The following CPQ variants were observed in gnomAD, a reference collection of about 807,000 sequenced individuals.
The protein encoded by CPQ is carboxypeptidase Q, also known as Ser-Met dipeptidase.
CPQ carries 37 observed loss-of-function variants against 45.7 expected under a neutral mutation model. That is an observed-to-expected ratio of 0.81 (90% CI 0.62 to 1.07). The LOEUF (loss-of-function observed/expected upper bound fraction) is 1.07. Among genes scored for constraint, CPQ ranks in the 50% least tolerant of loss-of-function variants. The pLI is 0.00. For missense variants in CPQ, 537 were observed against 572.9 expected, an observed-to-expected ratio of 0.94 and a Z score of 0.64; for synonymous variants, 186 against 205.8, an observed-to-expected ratio of 0.90 and a Z score of 0.82.
At chr8:96,779,864 ATAGTGGCTT>A (rs1231870577) in intron 1 of CPQ, among the ~76,000 whole-genome samples, 3 of 152,338 alleles carry the variant, frequency 2.0e-5, no homozygotes, top group Admixed American at 6.5e-5. Flanking sequence ...AAGTATCAGT[ATAGTGGCTT>A]TAGTGGCTTT....
intron 1 of CPQ, among the ~76,000 whole-genome samples, chr8:96,734,220 AC>A (rs1440714766): frequency 1.3e-5 from 2 of 151,956 alleles, no homozygotes; most frequent in African/African-American, 4.8e-5. Context: ...TTTCAGTTCC[AC>A]CTCCAGAGTA....
intron 2 of CPQ, among the ~76,000 whole-genome samples, chr8:96,819,805 G>C (rs963901138): frequency 9.9e-5 from 15 of 151,962 alleles, no homozygotes; most frequent in Non-Finnish European, 1.8e-4. Context: ...GGCTTTGCTT[G>C]TGCTTTGTCT....
At chr8:97,039,196 T>C (rs75548934) in intron 6 of CPQ, among the ~76,000 whole-genome samples, 3,150 of 152,308 alleles carry the variant, frequency 0.021, 101 homozygotes, top group African/African-American at 0.067. Context: ...AAGAAGTTAA[T>C]GTACTTCCCG....
intron 6 of CPQ, among the ~76,000 whole-genome samples, chr8:97,057,293 G>A (rs1433827716): frequency 3.3e-5 from 5 of 152,150 alleles, no homozygotes; most frequent in African/African-American, 7.2e-5. Context: ...GGCTTTAATT[G>A]AGGATCAATA....
At chr8:96,777,634 T>C (rs936014403) in intron 1 of CPQ, among the ~76,000 whole-genome samples, 1 of 150,060 alleles carries the variant, frequency 6.7e-6, no homozygotes, top group African/African-American at 2.5e-5. Flanking sequence ...GCCAACAAAC[T>C]GATGGCCCTT....
chr8:96,723,513 G>A (rs1446123105), intron 1 of CPQ, among the ~76,000 whole-genome samples: 1 of 152,114 alleles, frequency 6.6e-6, no homozygotes, highest in Admixed American at 6.6e-5. Context: ...ACAAAAAGGA[G>A]CTATTGTGTC....
chr8:96,847,332 T>G (rs1811709174), intron 3 of CPQ, among the ~76,000 whole-genome samples: 2 of 152,200 alleles, frequency 1.3e-5, no homozygotes, highest in Middle Eastern at 3.2e-3. Context: ...TCTAATTCAA[T>G]TATTTCTATT....
chr8:96,950,020 G>A (rs755394920), intron 4 of CPQ, among the ~76,000 whole-genome samples: 4 of 152,150 alleles, frequency 2.6e-5, no homozygotes, highest in Non-Finnish European at 5.9e-5. Flanking sequence ...GCTGAATCAT[G>A]TTGACCAGAA....
chr8:97,022,436 G>C (rs1809705050), intron 5 of CPQ, among the ~76,000 whole-genome samples: 1 of 152,166 alleles, frequency 6.6e-6, no homozygotes, highest in Non-Finnish European at 1.5e-5. Flanking sequence ...AGTCAGCAGA[G>C]TTAACAGACA....
At chr8:96,770,700 T>A (rs936088566) in intron 1 of CPQ, among the ~76,000 whole-genome samples, 4 of 147,252 alleles carry the variant, frequency 2.7e-5, no homozygotes, top group Non-Finnish European at 4.5e-5. Context: ...GAGTGTTATT[T>A]TATATATATA....
chr8:96,672,576 G>C (rs770995687), intron 1 of CPQ, among the ~76,000 whole-genome samples: 2 of 151,984 alleles, frequency 1.3e-5, no homozygotes, highest in East Asian at 3.9e-4. Flanking sequence ...GCAGGAGTTC[G>C]AGACCAGCCT....
intron 1 of CPQ, among the ~76,000 whole-genome samples, chr8:96,772,472 G>A (rs921313235): frequency 6.6e-6 from 1 of 152,068 alleles, no homozygotes; most frequent in African/African-American, 2.4e-5. Flanking sequence ...CAAACTGAGA[G>A]AGCTCACTCA....
chr8:96,670,515 G>A (rs1271557348), intron 1 of CPQ, among the ~76,000 whole-genome samples: 1 of 152,058 alleles, frequency 6.6e-6, no homozygotes, highest in Non-Finnish European at 1.5e-5. Context: ...ATCAGATAAA[G>A]TAGACTTCAG....
chr8:96,960,855 T>G (rs1396062939), intron 4 of CPQ, among the ~76,000 whole-genome samples: 1 of 152,188 alleles, frequency 6.6e-6, no homozygotes, highest in Non-Finnish European at 1.5e-5. Context: ...TGTTTTGAGA[T>G]TCATTTATAT....
At chr8:96,687,937 C>A (rs965735081) in intron 1 of CPQ, among the ~76,000 whole-genome samples, 1 of 151,616 alleles carries the variant, frequency 6.6e-6, no homozygotes, top group African/African-American at 2.4e-5. Context: ...AAGGTGTAGT[C>A]TCTATTTTTA....
rs187307001 is a variant in CPQ at position 96,760,691 on chromosome 8, G to A, written c.-34-24173G>A. 4.8e-4 allele frequency among the ~76,000 whole-genome samples: 73 copies of A among 152,274 alleles called. 1 individual carries two copies. The highest frequency in any genetic ancestry group is 1.8e-3 in the African/African-American group (73 of 41,564). On this transcript the variant is annotated intron_variant, in intron 1 of 7. Coordinates refer to ENST00000220763, the MANE Select transcript of CPQ (RefSeq NM_016134.4). ...GAAGAAAAACTGTGGCAAGTTTTAG[G>A]CTACATTGCCTAGCTTATATCACAA...
intron 1 of CPQ, among the ~76,000 whole-genome samples, chr8:96,702,348 G>C (rs1483092484): frequency 6.6e-6 from 1 of 152,174 alleles, no homozygotes; most frequent in Admixed American, 6.5e-5. Context: ...CCGAGGCATA[G>C]ACAACAAGGA....
chr8:96,710,550 T>C (rs1809593248), intron 1 of CPQ, among the ~76,000 whole-genome samples: 1 of 152,202 alleles, frequency 6.6e-6, no homozygotes, highest in African/African-American at 2.4e-5. Context: ...TGTGTCACTA[T>C]TATTATTCAT....
At chr8:96,671,208 T>G (rs954771834) in intron 1 of CPQ, among the ~76,000 whole-genome samples, 1 of 152,224 alleles carries the variant, frequency 6.6e-6, no homozygotes, top group Non-Finnish European at 1.5e-5. Flanking sequence ...AGTGATACAC[T>G]GGTCTACAAA....
Sources: gnomAD v4.1 joint callset for allele counts (sites outside exome capture counted in the v4.1 genomes callset) on GRCh38, gnomAD v4.1.1 for gene constraint, MANE v1.5 for transcripts, NCBI Gene and HGNC (gene_info 2026-07-23, HGNC 2026-07-21) for gene names.